The following FAM227B variants were observed in gnomAD, a reference collection of about 807,000 sequenced individuals.
FAM227B encodes family with sequence similarity 227 member B.
Under a neutral mutation model 73.8 loss-of-function variants are expected in FAM227B, and 88 were observed. The ratio of observed to expected loss-of-function variants is 1.19; its 90% confidence interval spans 1.00 to 1.42. The LOEUF (loss-of-function observed/expected upper bound fraction) is 1.42, where lower values mean the gene tolerates loss of function less well. Among genes scored for constraint, FAM227B ranks in the 40% most tolerant of loss-of-function variants. FAM227B has a pLI of 0.00. For synonymous variants in FAM227B, 210 were observed against 190.5 expected, an observed-to-expected ratio of 1.10 and a Z score of -0.84; for missense variants, 632 against 590.9, an observed-to-expected ratio of 1.07 and a Z score of -0.72.
At chr15:49,379,323 T>TA (rs2046371933) in intron 11 of FAM227B, among the ~76,000 whole-genome samples, 1 of 152,204 alleles carries the variant, frequency 6.6e-6, no homozygotes, top group African/African-American at 2.4e-5. Flanking sequence ...CCTTGTAGAG[T>TA]AAATTTGGAA....
At chr15:49,454,319 C>G (rs547009234) in intron 11 of FAM227B, among the ~76,000 whole-genome samples, 1 of 152,220 alleles carries the variant, frequency 6.6e-6, no homozygotes, top group East Asian at 1.9e-4. Flanking sequence ...TCTCTTTTCC[C>G]CCTTTCCAGT....
Position 49,589,542 on chromosome 15 carries a change from T to TACACACACAC in FAM227B, c.337+224_337+233dup, listed in dbSNP as rs35391819. Among the ~76,000 whole-genome samples the TACACACACAC allele has an allele frequency of 3.2e-3, 441 of 139,810 alleles. 10 individuals carry two copies. Among genetic ancestry groups the TACACACACAC allele is most frequent in the Middle Eastern group, 7.2e-3 (2 of 278 alleles). 91.7% of individuals were successfully genotyped at this position (139,810 alleles called of 152,430 possible). A position where few individuals can be genotyped will look rare whatever the true frequency, so the allele number is the denominator to read the frequency against. On this transcript the variant is annotated intron_variant, in intron 4 of 15. Coordinates refer to ENST00000299338, the MANE Select transcript of FAM227B (RefSeq NM_152647.3). ...CTTAGAATTTCATTCTTTATGAGAT[T>TACACACACAC]ACACACACACACACACACACACACA...
At chr15:49,541,413 A>G (rs983563636) in intron 10 of FAM227B, among the ~76,000 whole-genome samples, 1 of 152,138 alleles carries the variant, frequency 6.6e-6, no homozygotes, top group Non-Finnish European at 1.5e-5. Context: ...CATACATGGT[A>G]TGACTATTTC....
intron 3 of FAM227B, among the ~76,000 whole-genome samples, chr15:49,591,483 C>CT (rs2076570067): frequency 1.7e-5 from 2 of 118,438 alleles, no homozygotes; most frequent in South Asian, 5.6e-4. Context: ...GCCCTTCCTT[C>CT]CTTTTTTTTT....
chr15:49,524,121 C>T (rs1474480169), intron 10 of FAM227B, among the ~76,000 whole-genome samples: 1 of 152,180 alleles, frequency 6.6e-6, no homozygotes, highest in African/African-American at 2.4e-5. Flanking sequence ...TAATGAAGAG[C>T]TGAATGTTAA....
chr15:49,345,806 GAAAC>G (rs879894712), intron 13 of FAM227B, among the ~76,000 whole-genome samples: 1 of 152,140 alleles, frequency 6.6e-6, no homozygotes, highest in Non-Finnish European at 1.5e-5. Flanking sequence ...GAATATTAGA[GAAAC>G]AAAGGGTTTT....
intron 11 of FAM227B, chr15:49,424,752 C>G (rs2049981045): frequency 2.0e-6 from 1 of 503,390 alleles, no homozygotes; most frequent in Middle Eastern, 5.4e-4. Context: ...AAAAATATCT[C>G]TTTTAACAGG....
At chr15:49,618,266 A>C (rs758759364) in intron 1 of FAM227B, among the ~76,000 whole-genome samples, 11 of 152,210 alleles carry the variant, frequency 7.2e-5, no homozygotes, top group Non-Finnish European at 1.5e-4. Flanking sequence ...ACAAAGAAAA[A>C]GGAAACAAGG....
intron 8 of FAM227B, among the ~76,000 whole-genome samples, chr15:49,569,922 G>T (rs1233021018): frequency 6.6e-6 from 1 of 151,882 alleles, no homozygotes; most frequent in Non-Finnish European, 1.5e-5. Context: ...ATGTTCTCCA[G>T]GTTCATTCAG....
chr15:49,514,143 G>A (rs1442212257), intron 10 of FAM227B, among the ~76,000 whole-genome samples: 1 of 152,124 alleles, frequency 6.6e-6, no homozygotes, highest in African/African-American at 2.4e-5. Context: ...GAATGTCAAT[G>A]GTAGTTTGAT....
intron 11 of FAM227B, among the ~76,000 whole-genome samples, chr15:49,407,237 G>A (rs997070336): frequency 6.6e-6 from 1 of 152,230 alleles, no homozygotes; most frequent in African/African-American, 2.4e-5. Flanking sequence ...TTGAGTGTCT[G>A]TGGTGGTTTA....
At chr15:49,365,025 A>C in intron 13 of FAM227B, 1 of 502,000 alleles carries the variant, frequency 2.0e-6, no homozygotes, top group Non-Finnish European at 3.6e-6. Context: ...CAAACATATC[A>C]TTGAAGACTT....
intron 10 of FAM227B, among the ~76,000 whole-genome samples, chr15:49,508,961 G>T (rs1227627795): frequency 1.3e-5 from 2 of 152,186 alleles, no homozygotes; most frequent in East Asian, 1.9e-4. Flanking sequence ...GCCACAGGGG[G>T]CCACATGGGC....
chr15:49,451,204 T>C (rs2052700579), intron 11 of FAM227B, among the ~76,000 whole-genome samples: 2 of 152,214 alleles, frequency 1.3e-5, no homozygotes, highest in African/African-American at 4.8e-5. Context: ...AATACGGTCA[T>C]TTAAAATTTT....
At chr15:49,446,831 G>C (rs2052263775) in intron 11 of FAM227B, among the ~76,000 whole-genome samples, 1 of 151,642 alleles carries the variant, frequency 6.6e-6, no homozygotes, top group South Asian at 2.1e-4. Flanking sequence ...AAGGATGTTA[G>C]GAAGTAAATG....
intron 2 of FAM227B, among the ~76,000 whole-genome samples, chr15:49,613,947 C>T (rs987951370): frequency 5.3e-5 from 8 of 152,080 alleles, no homozygotes; most frequent in East Asian, 1.9e-4. Context: ...AAAATACTCA[C>T]GATATAATAT....
chr15:49,431,320 T>A (rs1281135764), intron 11 of FAM227B, among the ~76,000 whole-genome samples: 3 of 151,834 alleles, frequency 2.0e-5, no homozygotes, highest in African/African-American at 7.2e-5. Context: ...TTTATCTGCA[T>A]TTGAGATTAT....
chr15:49,559,115 G>A (rs948795214), intron 9 of FAM227B, among the ~76,000 whole-genome samples: 2 of 152,106 alleles, frequency 1.3e-5, no homozygotes, highest in African/African-American at 4.8e-5. Flanking sequence ...ACTAGAATAT[G>A]AATCTAAACT....
intron 11 of FAM227B, among the ~76,000 whole-genome samples, chr15:49,383,504 T>C (rs1316170542): frequency 6.6e-6 from 1 of 152,138 alleles, no homozygotes; most frequent in Non-Finnish European, 1.5e-5. Flanking sequence ...AAAACATTTG[T>C]ATGACTCACT....
Sources: allele counts gnomAD v4.1 joint callset (sites outside exome capture counted in the v4.1 genomes callset), GRCh38; gene constraint gnomAD v4.1.1; transcripts MANE v1.5; gene names NCBI Gene and HGNC (gene_info 2026-07-23, HGNC 2026-07-21).